Variants in IVNS1ABP observed in about 807,000 individuals in gnomAD.
IVNS1ABP encodes the protein influenza virus NS1A-binding protein.
A neutral mutation model predicts 78.9 loss-of-function variants in IVNS1ABP; 25 were observed. The ratio of observed to expected loss-of-function variants is 0.32; its 90% CI spans 0.23 to 0.44. The LOEUF is 0.44. Among genes scored for constraint, IVNS1ABP ranks in the 20% least tolerant of loss-of-function variants. IVNS1ABP has a pLI of 1.00. For missense variants in IVNS1ABP, 494 were observed against 768.9 expected (o/e 0.64, Z 4.23); for synonymous variants, 241 against 259.7 (o/e 0.93, Z 0.69).
At chr1:185,313,106 A>G (rs1665928680) in intron 1 of IVNS1ABP, among the ~76,000 whole-genome samples, 1 of 152,204 alleles carries the variant, frequency 6.6e-6, no homozygotes, top group South Asian at 2.1e-4. Context: ...ACTATATTTG[A>G]CAAATTGAAT....
In IVNS1ABP at chr1:185,298,095, C is replaced by T. The variant is rs1210339123; in HGVS notation, c.1869G>A (p.Val623=). 2 of 1,613,668 alleles carry T rather than the reference C, an allele frequency of 1.2e-6. No homozygotes were observed. Among genetic ancestry groups the T allele is most frequent in the East Asian group, 4.5e-5 (2 of 44,858 alleles). The change falls in exon 15 of 15, where the codon GTG becomes GTA. Residue 623 remains valine (V), a synonymous_variant. Coordinates refer to ENST00000367498, the MANE Select transcript of IVNS1ABP (RefSeq NM_006469.5). The surrounding 1 kb of genome is among the most constrained non-coding windows in gnomAD (Gnocchi z 4.1). ...CATTTGACTCAAGGTTATAGACTTC[C>T]ACCGTATTCAGAAATTCATTGCCAT... ...GFDGNEFLNT[V]EVYNLESNEW...
intron 1 of IVNS1ABP, among the ~76,000 whole-genome samples, chr1:185,314,753 G>A (rs1665971278): frequency 1.3e-5 from 2 of 152,062 alleles, no homozygotes; most frequent in South Asian, 4.1e-4. Context: ...TAGATATGTG[G>A]CATCCTTATT....
Position 185,301,091 on chromosome 1 carries a change from C to A in IVNS1ABP, c.1001G>T (p.Ser334Ile). The A allele has an allele frequency of 6.2e-7, 1 of 1,613,510 alleles. No homozygotes were observed. Among genetic ancestry groups the A allele is most frequent in the Non-Finnish European group, 8.5e-7 (1 of 1,179,686 alleles). Residue 334 changes from serine to isoleucine, a missense_variant, in exon 10 of 15, where the codon AGT becomes ATT. Transcript: ENST00000367498. Reference protein sequence around the residue: ...QSSPTSTPKLSKSLSFEMQQD... With the variant: ...QSSPTSTPKLIKSLSFEMQQD... Reference sequence around the variant, plus strand: ...TTGCATCTCAAAGCTTAAACTCTTACTTAGTTTTGGAGTACTTGTTGGTGA... The same window carrying A: ...TTGCATCTCAAAGCTTAAACTCTTAATTAGTTTTGGAGTACTTGTTGGTGA...
chr1:185,306,074 CAAGAAAAACA>C (rs2102818204), intron 7 of IVNS1ABP: 1 of 171,108 alleles, frequency 5.8e-6, no homozygotes, highest in South Asian at 1.2e-4. Flanking sequence ...TAAGCAATGT[CAAGAAAAACA>C]AAGAAAAAAC....
At chr1:185,302,165 C>T (rs1257996459) in intron 8 of IVNS1ABP, among the ~76,000 whole-genome samples, 1 of 151,958 alleles carries the variant, frequency 6.6e-6, no homozygotes, top group Non-Finnish European at 1.5e-5. Context: ...TACATCAAAA[C>T]ACAAGAAAAT....
In IVNS1ABP at chr1:185,298,202, T is replaced by A. The variant is rs974057959; in HGVS notation, c.1762A>T (p.Met588Leu). The change falls in exon 15 of 15, where the codon ATG becomes TTG. Residue 588 changes from methionine (M) to leucine (L), a missense_variant. Met to Leu is a conservative substitution (Grantham distance 15, BLOSUM62 2). Coordinates refer to ENST00000367498, the MANE Select transcript of IVNS1ABP (RefSeq NM_006469.5). This position sits in a 1 kb window ranked among gnomAD's most constrained non-coding sequence, Gnocchi z 4.1. ...MYDPTRNEWK[M>L]MGNMTSPRSN... ...CTTGGTGAAGTCATATTTCCCATCATCTTCCATTCATTTCTAGTTGGATCA... is the reference window on the plus strand; with the variant it reads ...CTTGGTGAAGTCATATTTCCCATCAACTTCCATTCATTTCTAGTTGGATCA... 6.2e-7 allele frequency: 1 copy of A among 1,613,818 alleles called. No homozygotes were observed. The highest frequency in any genetic ancestry group is 1.3e-5 in the African/African-American group (1 of 75,014).
chr1:185,299,518 C>G (rs1665510999), intron 14 of IVNS1ABP, 192 bp downstream of exon 14: 2 of 610,482 alleles, frequency 3.3e-6, no homozygotes, highest in Non-Finnish European at 5.8e-6. Flanking sequence ...AGTTATATAT[C>G]AAGTATTATA....
In IVNS1ABP at chr1:185,298,324, T is replaced by A. The variant is rs1371485539; in HGVS notation, c.1676-36A>T. 3.1e-6 allele frequency: 5 copies of A among 1,588,870 alleles called. No individual in the cohort carries two copies. Among genetic ancestry groups the A allele is most frequent in the Admixed American group, 1.7e-5 (1 of 58,062 alleles). On this transcript the variant is annotated intron_variant, in intron 14 of 14. Transcript: ENST00000367498. The surrounding 1 kb of genome is among the most constrained non-coding windows in gnomAD (Gnocchi z 4.1). ...AATGAGATGGGGTAAATCCAGAGAT[T>A]AAAGTGTAATAAGGTAAAACTCCCC...
chr1:185,299,484 A>T lies in IVNS1ABP; in HGVS notation c.1675+226T>A, dbSNP rs531261051. The T allele has an allele frequency of 3.2e-4, 178 of 553,600 alleles. 1 individual carries two copies. The East Asian group carries it at 5.2e-3, about 16-fold the overall frequency. The allele number at this position is 553,600 out of a possible 1,614,324, so 34.3% of individuals were successfully genotyped here. ...AATGACTTGGAAATTCACTCAGTGC[A>T]CCCATCAAAAGACTGGTGAATTAAG... On this transcript the variant is annotated intron_variant, in intron 14 of 14. Transcript: ENST00000367498.
Position 185,297,681 on chromosome 1 carries a change from T to C in IVNS1ABP, c.*354A>G, listed in dbSNP as rs1665454450. ...CTACATCTTTAAACCCTACCCCTTT[T>C]ACCCCATAGTACACATTTGAGGGAA... On this transcript the variant is annotated 3_prime_UTR_variant, in exon 15 of 15. Transcript: ENST00000367498. The C allele has an allele frequency of 4.0e-6, 1 of 246,954 alleles. No individual in the cohort carries two copies. The highest frequency in any genetic ancestry group is 2.3e-5 in the African/African-American group (1 of 44,386). 15.3% of individuals were successfully genotyped at this position (246,954 alleles called of 1,614,324 possible).
chr1:185,315,567 C>A (rs1307771987), intron 1 of IVNS1ABP, among the ~76,000 whole-genome samples: 1 of 152,200 alleles, frequency 6.6e-6, no homozygotes, highest in Non-Finnish European at 1.5e-5. Flanking sequence ...AAGCAGCCTG[C>A]CAGCTGGCGT....
chr1:185,299,421 T>C, intron 14 of IVNS1ABP: 1 of 387,544 alleles, frequency 2.6e-6, no homozygotes, highest in Non-Finnish European at 4.7e-6. Context: ...AAACTCAAAA[T>C]TCAAGATGAT....
At chr1:185,310,668 AG>A (rs1665863093) in intron 2 of IVNS1ABP, among the ~76,000 whole-genome samples, 1 of 152,130 alleles carries the variant, frequency 6.6e-6, no homozygotes, top group Non-Finnish European at 1.5e-5. Context: ...TGAGCCCAGG[AG>A]TTTGAGACCA....
At chr1:185,307,729 G>T in intron 5 of IVNS1ABP, 67 bp from the exon 6 acceptor site, 1 of 1,475,154 alleles carries the variant, frequency 6.8e-7, no homozygotes, top group East Asian at 2.3e-5. Context: ...TTAATGTTCA[G>T]TGTGGTAAAG....
intron 1 of IVNS1ABP, among the ~76,000 whole-genome samples, chr1:185,313,618 T>C (rs1404484307): frequency 6.6e-6 from 1 of 152,146 alleles, no homozygotes; most frequent in Non-Finnish European, 1.5e-5. Flanking sequence ...CGGGAGATCT[T>C]ATTTGGTCTA....
intron 1 of IVNS1ABP, among the ~76,000 whole-genome samples, chr1:185,315,207 A>G (rs763243846): frequency 1.3e-5 from 2 of 152,228 alleles, no homozygotes; most frequent in African/African-American, 2.4e-5. Context: ...CTTAATATCA[A>G]TTAAGATACT....
chr1:185,316,549 C>T (rs17566766), intron 1 of IVNS1ABP, among the ~76,000 whole-genome samples: 2,113 of 152,328 alleles, frequency 0.014, 20 homozygotes, highest in South Asian at 0.031. Context: ...ACAGCAAGAA[C>T]GGGGAGTCCC....
At position 185,309,831 on chromosome 1, in the gene IVNS1ABP, C is replaced by T. The variant is rs899609763; in HGVS notation, c.-18-320G>A. On this transcript the variant is annotated intron_variant, in intron 2 of 14. Coordinates refer to ENST00000367498, the MANE Select transcript of IVNS1ABP (RefSeq NM_006469.5). Reference sequence around the variant, plus strand: ...GGAAGGAAACGAAACTCCATCCTGCCCAAACCCATATAATAAGTAATCTAA... The same window carrying T: ...GGAAGGAAACGAAACTCCATCCTGCTCAAACCCATATAATAAGTAATCTAA... Among the ~76,000 whole-genome samples, 3 of 152,120 alleles carry T rather than the reference C, an allele frequency of 2.0e-5. No homozygotes were observed. In the East Asian group the frequency reaches 5.8e-4, roughly 29 times the overall value.
Position 185,296,619 on chromosome 1 carries a change from T to C in IVNS1ABP, c.*1416A>G, listed in dbSNP as rs1289577531. 1 of 152,126 alleles carries C rather than the reference T, an allele frequency of 6.6e-6. No homozygotes were observed. Among genetic ancestry groups the C allele is most frequent in the Admixed American group, 6.6e-5 (1 of 15,258 alleles). 9.4% of individuals were successfully genotyped at this position (152,126 alleles called of 1,614,324 possible). On this transcript the variant is annotated 3_prime_UTR_variant, in exon 15 of 15. Transcript: ENST00000367498. ...GAGAAATAAAGTGGCAGAGTACCAGTGAACATTTGGAGAAAATACCTAATT... is the reference window on the plus strand; with the variant it reads ...GAGAAATAAAGTGGCAGAGTACCAGCGAACATTTGGAGAAAATACCTAATT...
Sources: gnomAD v4.1 joint callset for allele counts (sites outside exome capture counted in the v4.1 genomes callset) on GRCh38, gnomAD v4.1.1 for gene constraint, Gnocchi (gnomAD v3.1) non-coding constraint, MANE v1.5 for transcripts, NCBI Gene and HGNC (gene_info 2026-07-23, HGNC 2026-07-21) for gene names.